Variants in DNAH8 observed in about 807,000 individuals in gnomAD.
DNAH8 encodes axonemal beta dynein heavy chain 8.
A neutral mutation model predicts 562.1 loss-of-function variants in DNAH8; 382 were observed. That is an observed-to-expected ratio of 0.68 (90% CI 0.63 to 0.74). DNAH8 has a LOEUF of 0.74. DNAH8 is among the 30% of genes least tolerant of loss of function. The pLI, the probability that DNAH8 is intolerant of heterozygous loss-of-function variation, is 0.00. For synonymous variants in DNAH8, 1,881 were observed against 1,919.4 expected (o/e 0.98, Z 0.52); for missense variants, 5,203 against 5,620.4 (o/e 0.93, Z 2.37).
chr6:38,853,947 G>T (rs75930745), intron 41 of DNAH8, among the ~76,000 whole-genome samples: 2,225 of 151,980 alleles, frequency 0.015, 88 homozygotes, highest in East Asian at 0.14. Context: ...AATGCATATT[G>T]CTTTTGCACT....
chr6:38,864,150 A>G (rs1645714646), intron 45 of DNAH8, 90 bp downstream of exon 45: 3 of 1,166,672 alleles, frequency 2.6e-6, no homozygotes, highest in African/African-American at 3.1e-5. Flanking sequence ...TAGATGACCA[A>G]CTATCCAGGA....
chr6:38,853,415 G>A lies in DNAH8; in HGVS notation c.5733+68G>A, dbSNP rs535443690. ...AATAAAGGGGAAGGATGCTTAGCAG[G>A]TGGTTGACCTGATGGTGTGAGGCAA... On this transcript the variant is annotated intron_variant, in intron 41 of 92. Coordinates refer to ENST00000327475, the MANE Select transcript of DNAH8 (RefSeq NM_001206927.2). 3 of 1,540,062 alleles carry A rather than the reference G, an allele frequency of 1.9e-6. No individual in the cohort carries two copies. The African/African-American group carries it at 4.2e-5, about 21-fold the overall frequency.
At position 38,908,090 on chromosome 6, in the gene DNAH8, G is replaced by A; in HGVS notation, c.9483G>A (p.Lys3161=). ...LYEYFISRSR[K]NLHVVLCFSP... ...AATACTTCATTTCAAGATCAAGGAA[G>A]AACTTACATGTTGTTCTCTGCTTTT... Residue 3161 remains lysine (K), a synonymous_variant, in exon 64 of 93, where the codon AAG becomes AAA. Coordinates refer to ENST00000327475, the MANE Select transcript of DNAH8 (RefSeq NM_001206927.2). 1 of 1,593,456 alleles carries A rather than the reference G, an allele frequency of 6.3e-7. No individual in the cohort carries two copies. Among genetic ancestry groups the A allele is most frequent in the Non-Finnish European group, 8.5e-7 (1 of 1,171,750 alleles).
chr6:38,971,623 A>G lies in DNAH8; in HGVS notation c.12483A>G (p.Gln4161=). Reference sequence around the variant, plus strand: ...GAACTATCTCAATGGGGCAAGGACAAGAAGTACATGCTCGAAAGCTGATTC... The same window carrying G: ...GAACTATCTCAATGGGGCAAGGACAGGAAGTACATGCTCGAAAGCTGATTC... The part of the protein sequence containing the change: ...ECRTISMGQG[Q]EVHARKLIQM... The change falls in exon 83 of 93, where the codon CAA becomes CAG. Residue 4161 remains glutamine, a synonymous_variant. Transcript: ENST00000327475. 1 of 1,603,108 alleles carries G rather than the reference A, an allele frequency of 6.2e-7. No homozygotes were observed. Among genetic ancestry groups the G allele is most frequent in the Non-Finnish European group, 8.5e-7 (1 of 1,175,312 alleles).
At chr6:38,883,083 C>T (rs762843904) in intron 54 of DNAH8, 31 bp downstream of exon 54, 1 of 1,533,306 alleles carries the variant, frequency 6.5e-7, no homozygotes, top group South Asian at 1.4e-5. Context: ...CTTAAATGAT[C>T]ACAAACCATC....
chr6:38,988,077 T>C (rs1294994472), intron 87 of DNAH8, among the ~76,000 whole-genome samples: 1 of 152,150 alleles, frequency 6.6e-6, no homozygotes, highest in Non-Finnish European at 1.5e-5. Context: ...GAGAAGCAGC[T>C]CCACTGTAAA....
At position 38,789,894 on chromosome 6, in the gene DNAH8, C is replaced by T. The variant is rs1396219939; in HGVS notation, c.2664+11C>T. 6.3e-7 allele frequency: 1 copy of T among 1,592,326 alleles called. No homozygotes were observed. The highest frequency in any genetic ancestry group is 8.6e-7 in the Non-Finnish European group (1 of 1,162,274). ...CCAAAAATGAAAAAGGTTGGTATTG[C>T]TGAAGGTTTGTATTGATTTTCCTGT... On this transcript the variant is annotated intron_variant, in intron 19 of 92. Transcript: ENST00000327475.
intron 8 of DNAH8, among the ~76,000 whole-genome samples, chr6:38,742,144 T>G (rs1308540500): frequency 6.6e-5 from 10 of 152,162 alleles, no homozygotes; most frequent in Admixed American, 6.5e-4. Context: ...TTTTAAATTG[T>G]TTTTGAAATT....
chr6:38,715,879 A>C (rs569757655), intron 1 of DNAH8, among the ~76,000 whole-genome samples: 3 of 107,244 alleles, frequency 2.8e-5, no homozygotes, highest in East Asian at 4.2e-4. Context: ...ATGTAAAAAA[A>C]CCACCTGTAC....
At chr6:38,923,936 C>A in intron 72 of DNAH8, 55 bp from the exon 73 acceptor site, 2 of 1,587,620 alleles carry the variant, frequency 1.3e-6, no homozygotes, top group Non-Finnish European at 1.7e-6. Flanking sequence ...ACCTCTCAAA[C>A]AACTTAATGT....
intron 3 of DNAH8, among the ~76,000 whole-genome samples, chr6:38,728,683 C>G (rs755996491): frequency 6.6e-6 from 1 of 152,164 alleles, no homozygotes; most frequent in African/African-American, 2.4e-5. Flanking sequence ...GCTAGAGTTA[C>G]GCACATCTTG....
intron 91 of DNAH8, among the ~76,000 whole-genome samples, chr6:39,023,689 A>G (rs1767081090): frequency 6.6e-6 from 1 of 152,190 alleles, no homozygotes; most frequent in Non-Finnish European, 1.5e-5. Flanking sequence ...AAATTCAATA[A>G]TGAACAGTTC....
At chr6:38,743,793 GT>G (rs1232214228) in intron 8 of DNAH8, among the ~76,000 whole-genome samples, 3 of 152,026 alleles carry the variant, frequency 2.0e-5, no homozygotes, top group Non-Finnish European at 4.4e-5. Context: ...GGTTGTCCCT[GT>G]TTTTTTGGCA....
intron 67 of DNAH8, among the ~76,000 whole-genome samples, chr6:38,914,462 G>A (rs1039549882): frequency 9.6e-5 from 13 of 135,384 alleles, no homozygotes; most frequent in South Asian, 9.4e-4. Flanking sequence ...GTGCAGTGGC[G>A]TGATCTCGGC....
chr6:38,986,033 TG>T (rs1343299512), intron 87 of DNAH8, among the ~76,000 whole-genome samples: 1 of 152,248 alleles, frequency 6.6e-6, no homozygotes, highest in East Asian at 1.9e-4. Context: ...GGCATACTAT[TG>T]CTCACCCTTG....
chr6:38,808,938 CAG>C (rs199543792), intron 24 of DNAH8, among the ~76,000 whole-genome samples: 3,076 of 152,068 alleles, frequency 0.02, 109 homozygotes, highest in African/African-American at 0.069. Flanking sequence ...CAGGGCCTGT[CAG>C]GGGGTGTGGG....
intron 8 of DNAH8, among the ~76,000 whole-genome samples, chr6:38,747,449 C>T (rs1306120876): frequency 7.0e-6 from 1 of 142,474 alleles, no homozygotes; most frequent in African/African-American, 2.7e-5. Context: ...TGCAGAGGTG[C>T]GATCTTGGCT....
chr6:38,990,572 T>C (rs1764713241), intron 88 of DNAH8, among the ~76,000 whole-genome samples: 1 of 152,158 alleles, frequency 6.6e-6, no homozygotes, highest in Non-Finnish European at 1.5e-5. Context: ...TGAGAACAGA[T>C]GGGAGGGTGA....
chr6:38,818,298 T>A (rs1245432350), intron 26 of DNAH8, among the ~76,000 whole-genome samples: 2 of 152,054 alleles, frequency 1.3e-5, no homozygotes, highest in Non-Finnish European at 2.9e-5. Context: ...TCTATATATT[T>A]TTCTATTATT....
Sources: gnomAD v4.1 joint callset for allele counts (sites outside exome capture counted in the v4.1 genomes callset) on GRCh38, gnomAD v4.1.1 for gene constraint, MANE v1.5 for transcripts, NCBI Gene and HGNC (gene_info 2026-07-23, HGNC 2026-07-21) for gene names.